FMO1: variants seen among roughly 807,000 people sequenced by gnomAD.
FMO1 encodes the protein flavin-containing monooxygenase 1.
In FMO1, 36 loss-of-function variants were observed where a neutral mutation model predicts 45.4. That is an observed-to-expected ratio of 0.79 (90% CI 0.61 to 1.05). The LOEUF (loss-of-function observed/expected upper bound fraction) is 1.05, where lower values mean the gene tolerates loss of function less well. FMO1 is among the 50% of genes least tolerant of loss of function. The probability of loss-of-function intolerance (pLI) is 0.00; values close to 1 mark genes in which losing one functional copy is unlikely to be tolerated. For missense variants in FMO1, 615 were observed against 640.3 expected (o/e 0.96, Z 0.43); for synonymous variants, 228 against 227.2 (o/e 1.00, Z -0.03).
chr1:171,280,822 A>G lies in FMO1; in HGVS notation c.664A>G (p.Ser222Gly). 6.2e-7 allele frequency: 1 copy of G among 1,613,444 alleles called. No homozygotes were observed. Among genetic ancestry groups the G allele is most frequent in the Non-Finnish European group, 8.5e-7 (1 of 1,179,848 alleles). Residue 222 changes from serine to glycine, a missense_variant, in exon 6 of 9, where the codon AGC becomes GGC. Coordinates refer to ENST00000617670, the MANE Select transcript of FMO1 (RefSeq NM_001282693.2). Reference protein sequence around the residue: ...LSTTGGGWVISRIFDSGYPWD... With the variant: ...LSTTGGGWVIGRIFDSGYPWD... ...CACCACCGGAGGGGGATGGGTGATCAGCCGAATCTTTGACTCGGGCTACCC... is the reference window on the plus strand; with the variant it reads ...CACCACCGGAGGGGGATGGGTGATCGGCCGAATCTTTGACTCGGGCTACCC...
chr1:171,273,667 C>G (rs1660970028), intron 3 of FMO1, among the ~76,000 whole-genome samples: 1 of 152,108 alleles, frequency 6.6e-6, no homozygotes, highest in Non-Finnish European at 1.5e-5. Flanking sequence ...GCACATACTA[C>G]CATGCCTGGC....
intron 2 of FMO1, among the ~76,000 whole-genome samples, chr1:171,258,883 C>T (rs983347763): frequency 6.6e-6 from 1 of 152,094 alleles, no homozygotes; most frequent in African/African-American, 2.4e-5. Flanking sequence ...ACTATAAAGC[C>T]CACCCTTGCC....
chr1:171,271,273 C>T (rs1660852428), intron 3 of FMO1: 1 of 1,185,058 alleles, frequency 8.4e-7, no homozygotes, highest in South Asian at 1.4e-5. Context: ...ATACTCAGAG[C>T]AGAACAGGAA....
At chr1:171,260,890 G>T (rs1046278506) in intron 2 of FMO1, among the ~76,000 whole-genome samples, 3 of 123,522 alleles carry the variant, frequency 2.4e-5, no homozygotes, top group Non-Finnish European at 4.8e-5. Flanking sequence ...TCCAGCCTGG[G>T]TGACACAGAA....
intron 5 of FMO1, 80 bp from the exon 6 acceptor site, chr1:171,280,706 T>C (rs1039718653): frequency 4.1e-6 from 5 of 1,217,244 alleles, no homozygotes; most frequent in South Asian, 1.2e-5. Flanking sequence ...TTTCCATTCA[T>C]GACACTTCTT....
At chr1:171,275,626 G>A (rs1661078144) in intron 4 of FMO1, 118 bp downstream of exon 4, 5 of 698,668 alleles carry the variant, frequency 7.2e-6, no homozygotes, top group Middle Eastern at 7.3e-4. Context: ...TGGGAGGTAG[G>A]AGGAGGCTTT....
intron 3 of FMO1, among the ~76,000 whole-genome samples, chr1:171,274,504 A>C (rs1558013896): frequency 6.6e-6 from 1 of 152,134 alleles, no homozygotes; most frequent in Non-Finnish European, 1.5e-5. Context: ...TATGATTAAA[A>C]ATAAATCTAT....
At chr1:171,258,400 G>T (rs969888689) in intron 2 of FMO1, among the ~76,000 whole-genome samples, 181 bp downstream of exon 2, 2 of 152,226 alleles carry the variant, frequency 1.3e-5, no homozygotes, top group African/African-American at 4.8e-5. Flanking sequence ...GTGAGCTAGG[G>T]TGGAAGTCAG....
chr1:171,254,261 T>A (rs963893195), intron 1 of FMO1, among the ~76,000 whole-genome samples: 1 of 152,104 alleles, frequency 6.6e-6, no homozygotes, highest in African/African-American at 2.4e-5. Flanking sequence ...GCTAACTTTT[T>A]TGTATTTTTG....
rs1034279681 is a variant in FMO1 at position 171,270,928 on chromosome 1, GA to G, written c.321+3205del. ...GTAGGGTTAAATGCTTTATAGACGA[GA>G]AAAAAAACCGCTAGAACCAACTTAT... On this transcript the variant is annotated intron_variant, in intron 3 of 8. Transcript: ENST00000617670. 5.6e-5 allele frequency: 45 copies of G among 799,344 alleles called. 1 individual carries two copies. The highest frequency in any genetic ancestry group is 3.6e-4 in the Middle Eastern group (1 of 2,748). The allele number at this position is 799,344 out of a possible 1,614,324, so 49.5% of individuals were successfully genotyped here.
intron 1 of FMO1, among the ~76,000 whole-genome samples, chr1:171,256,450 G>T (rs1460935116): frequency 6.6e-6 from 1 of 151,968 alleles, no homozygotes; most frequent in Non-Finnish European, 1.5e-5. Flanking sequence ...CTCTCTAAAT[G>T]TGGGGTCACC....
At chr1:171,275,551 G>A in intron 4 of FMO1, 43 bp downstream of exon 4, 5 of 1,457,184 alleles carry the variant, frequency 3.4e-6, no homozygotes, top group Non-Finnish European at 4.8e-6. Context: ...TCTCGTGGGA[G>A]CCATTCTGAT....
At chr1:171,252,732 T>C (rs528757073) in intron 1 of FMO1, among the ~76,000 whole-genome samples, 2 of 152,328 alleles carry the variant, frequency 1.3e-5, no homozygotes, top group East Asian at 3.9e-4. Context: ...ACCACACATC[T>C]GGTGCAGCCT....
At chr1:171,275,262 T>C (rs1661059196) in intron 3 of FMO1, 84 bp from the exon 4 acceptor site, 3 of 1,113,806 alleles carry the variant, frequency 2.7e-6, no homozygotes, top group African/African-American at 3.1e-5. Context: ...TTCTAGAACT[T>C]TTAAAATATC....
In FMO1 at chr1:171,285,184, A is replaced by T. The variant is rs775660367; in HGVS notation, c.1257-18A>T. 6.7e-7 allele frequency: 1 copy of T among 1,503,444 alleles called. No homozygotes were observed. Among genetic ancestry groups the T allele is most frequent in the Non-Finnish European group, 9.0e-7 (1 of 1,114,264 alleles). 93.1% of individuals were successfully genotyped at this position (1,503,444 alleles called of 1,614,324 possible). A position where few individuals can be genotyped will look rare whatever the true frequency, so the allele number is the denominator to read the frequency against. On this transcript the variant is annotated intron_variant, in intron 8 of 8. Transcript: ENST00000617670. ...TTTTTTTGTCTTCACCTTTTCCCCC[A>T]ATCTTCCTTTTATAAAGGTTTGGCT...
intron 3 of FMO1, among the ~76,000 whole-genome samples, chr1:171,274,717 T>A (rs1376225475): frequency 1.3e-5 from 2 of 152,178 alleles, no homozygotes; most frequent in Non-Finnish European, 2.9e-5. Context: ...TTTATCCTTT[T>A]AAATTTGACT....
At chr1:171,276,234 C>T (rs1354616465) in intron 4 of FMO1, among the ~76,000 whole-genome samples, 1 of 152,178 alleles carries the variant, frequency 6.6e-6, no homozygotes, top group Non-Finnish European at 1.5e-5. Context: ...ACTCATCTTA[C>T]CACAATAAAT....
At chr1:171,284,412 A>G (rs1055228900) in intron 8 of FMO1, among the ~76,000 whole-genome samples, 3 of 152,114 alleles carry the variant, frequency 2.0e-5, no homozygotes, top group African/African-American at 7.2e-5. Context: ...AACTGCTATA[A>G]AATGAAAATC....
intron 8 of FMO1, among the ~76,000 whole-genome samples, chr1:171,284,181 AAAAAAAC>A (rs61627358): frequency 0.21 from 31,142 of 147,244 alleles, 4,616 homozygotes; most frequent in African/African-American, 0.46. Context: ...TGGCAAAAAA[AAAAAAAC>A]AAAAAACAGC....
Sources: allele counts gnomAD v4.1 joint callset (sites outside exome capture counted in the v4.1 genomes callset), GRCh38; gene constraint gnomAD v4.1.1; transcripts MANE v1.5; gene names NCBI Gene and HGNC (gene_info 2026-07-23, HGNC 2026-07-21).